The following KRT71 variants were observed in gnomAD, a reference collection of about 807,000 sequenced individuals.
The protein encoded by KRT71 is keratin, type II cytoskeletal 71.
A neutral mutation model predicts 46.2 loss-of-function variants in KRT71; 42 were observed. The observed-to-expected ratio is 0.91, with a 90% CI of 0.71 to 1.18. The LOEUF (loss-of-function observed/expected upper bound fraction) is 1.18, where lower values mean the gene tolerates loss of function less well. KRT71 is among the 50% of genes most tolerant of loss of function. The pLI, the probability that KRT71 is intolerant of heterozygous loss-of-function variation, is 0.00. For missense variants in KRT71, 708 were observed against 677.9 expected (o/e 1.04, Z -0.49); for synonymous variants, 292 against 277.8 (o/e 1.05, Z -0.51).
At chr12:52,545,702 C>A in intron 7 of KRT71, 103 bp from the exon 8 acceptor site, 1 of 699,836 alleles carries the variant, frequency 1.4e-6, no homozygotes, top group South Asian at 2.0e-5. Context: ...TTGGACCCAA[C>A]AGGCACCTGT....
intron 6 of KRT71, 144 bp from the exon 7 acceptor site, chr12:52,546,650 T>C: frequency 8.8e-6 from 7 of 794,316 alleles, no homozygotes; most frequent in Non-Finnish European, 1.4e-5. Flanking sequence ...GCAGAGCCCC[T>C]TCTGGGGCTG....
rs758261242 is a variant in KRT71 at position 52,546,518 on chromosome 12, A to G, written c.1105-12T>C. 6 of 1,611,558 alleles carry G rather than the reference A, an allele frequency of 3.7e-6. No individual in the cohort carries two copies. Among genetic ancestry groups the G allele is most frequent in the Non-Finnish European group, 5.1e-6 (6 of 1,178,664 alleles). The stretch of plus-strand genomic sequence containing the variant: ...TCCAGGTTGGAAGCCTAAGGAAGGA[A>G]TTGGTGAAGTCGAAAAATTTGGAGG... On this transcript the variant is annotated splice_polypyrimidine_tract_variant and intron_variant, in intron 6 of 8. Coordinates refer to ENST00000267119, the MANE Select transcript of KRT71 (RefSeq NM_033448.3).
Position 52,544,663 on chromosome 12 carries a change from T to A in KRT71, c.1441A>T (p.Ser481Cys). The change falls in exon 9 of 9, where the codon AGC (serine) becomes TGC (cysteine). Residue 481 changes from serine (S) to cysteine (C), a missense_variant. Ser to Cys is a moderately radical substitution (Grantham distance 112). Coordinates refer to ENST00000267119, the MANE Select transcript of KRT71 (RefSeq NM_033448.3). Reference sequence around the variant, plus strand: ...CTGCACACTCCAGAGATGCAGTTGCTGCTGTTGGCCACATAGCCACCGCTG... The same window carrying A: ...CTGCACACTCCAGAGATGCAGTTGCAGCTGTTGGCCACATAGCCACCGCTG... ...MVSGGYVANS[S>C]NCISGVCSVR... 1 of 1,614,020 alleles carries A rather than the reference T, an allele frequency of 6.2e-7. No individual in the cohort carries two copies. The highest frequency in any genetic ancestry group is 2.2e-5 in the East Asian group (1 of 44,872).
intron 2 of KRT71, among the ~76,000 whole-genome samples, chr12:52,549,586 G>C (rs748332025): frequency 2.6e-5 from 4 of 152,172 alleles, no homozygotes; most frequent in African/African-American, 4.8e-5. Flanking sequence ...GGAGCACATG[G>C]AGCGAATGCC....
At chr12:52,548,030 G>GTATCTTGGGATCAGAA (rs1345846934) in intron 5 of KRT71, 48 bp from the exon 6 acceptor site, 1 of 1,610,020 alleles carries the variant, frequency 6.2e-7, no homozygotes. Context: ...GGGAGTGCAT[G>GTATCTTGGGATCAGAA]TATCTTGGGA....
At chr12:52,546,257 G>T in intron 7 of KRT71, 29 bp downstream of exon 7, 1 of 1,612,140 alleles carries the variant, frequency 6.2e-7, no homozygotes, top group East Asian at 2.2e-5. Context: ...AACCCCTGGG[G>T]CCCTCCTGTC....
chr12:52,547,032 A>G (rs1005562744), intron 6 of KRT71, among the ~76,000 whole-genome samples: 1 of 152,204 alleles, frequency 6.6e-6, no homozygotes, highest in Non-Finnish European at 1.5e-5. Flanking sequence ...AGTCCTTGCA[A>G]CACCCTGTGA....
chr12:52,546,282 C>A lies in KRT71; in HGVS notation c.1325+4G>T. ...GCCCTCCTGTCTGGGCACGCCCCGC[C>A]CACCTGCACTCCTCGCTCTCCAGTA... On this transcript the variant is annotated splice_donor_region_variant and intron_variant, in intron 7 of 8. Transcript: ENST00000267119. The A allele has an allele frequency of 6.2e-7, 1 of 1,613,930 alleles. No individual in the cohort carries two copies. The highest frequency in any genetic ancestry group is 8.5e-7 in the Non-Finnish European group (1 of 1,179,870).
chr12:52,547,992 C>G lies in KRT71; in HGVS notation c.979-10G>C, dbSNP rs1205859589. 2 of 1,585,170 alleles carry G rather than the reference C, an allele frequency of 1.3e-6. No individual in the cohort carries two copies. The highest frequency in any genetic ancestry group is 1.7e-6 in the Non-Finnish European group (2 of 1,161,694). ...GCTGAAGCTCTTGGAACTGGGGACC[C>G]CAAAGCACAGAGTCATGAGTGTGTC... On this transcript the variant is annotated splice_polypyrimidine_tract_variant and intron_variant, in intron 5 of 8. Transcript: ENST00000267119.
rs1466712531 is a variant in KRT71 at position 52,552,854 on chromosome 12, C to T, written c.224G>A (p.Arg75Gln). 12 of 1,614,084 alleles carry T rather than the reference C, an allele frequency of 7.4e-6. No homozygotes were observed. Among genetic ancestry groups the T allele is most frequent in the South Asian group, 2.2e-5 (2 of 91,088 alleles). ...KSGGYGFGRG[R>Q]ASGFAGSMFG... is the part of the protein sequence containing the mutation. ...CATGCTTCCAGCAAAGCCACTGGCCCGGCCCCGGCCAAATCCATAGCCTCC... is the reference window on the plus strand; with the variant it reads ...CATGCTTCCAGCAAAGCCACTGGCCTGGCCCCGGCCAAATCCATAGCCTCC... The change falls in exon 1 of 9, where the codon CGG becomes CAG. Residue 75 changes from arginine (R) to glutamine (Q), a missense_variant. Coordinates refer to ENST00000267119, the MANE Select transcript of KRT71 (RefSeq NM_033448.3).
At chr12:52,548,460 G>A (rs577303525) in intron 4 of KRT71, 144 bp from the exon 5 acceptor site, 33 of 984,800 alleles carry the variant, frequency 3.4e-5, no homozygotes, top group East Asian at 2.6e-4. Context: ...TGTGCTTTGC[G>A]GCAAAGCAAG....
chr12:52,550,007 CA>C (rs1254288509), intron 2 of KRT71, 21 bp downstream of exon 2: 1 of 1,613,594 alleles, frequency 6.2e-7, no homozygotes, highest in Non-Finnish European at 8.5e-7. Context: ...TGTCCAGTTA[CA>C]GGGGGACTCC....
intron 6 of KRT71, among the ~76,000 whole-genome samples, chr12:52,547,516 TCCCTGC>T: frequency 6.6e-6 from 1 of 152,310 alleles, no homozygotes; most frequent in South Asian, 2.1e-4. Flanking sequence ...AGCAGCCAGC[TCCCTGC>T]CCCCTTTCAG....
Position 52,552,889 on chromosome 12 carries a change from G to A in KRT71, c.189C>T (p.Ser63=), listed in dbSNP as rs750271411. The A allele has an allele frequency of 9.3e-6, 15 of 1,614,016 alleles. No homozygotes were observed. Among genetic ancestry groups the A allele is most frequent in the Middle Eastern group, 1.6e-4 (1 of 6,084 alleles). ...CAAATCCATAGCCTCCACTCTTCCC[G>A]CTGCCACTGGCCACATTGAGGCTCC... ...GVRSLNVASG[S]GKSGGYGFGR... The change falls in exon 1 of 9, where the codon AGC becomes AGT. Residue 63 remains serine (S), a synonymous_variant. Coordinates refer to ENST00000267119, the MANE Select transcript of KRT71 (RefSeq NM_033448.3).
At chr12:52,546,920 G>A (rs1238945866) in intron 6 of KRT71, among the ~76,000 whole-genome samples, 1 of 152,204 alleles carries the variant, frequency 6.6e-6, no homozygotes, top group Non-Finnish European at 1.5e-5. Context: ...AGGGGGACAG[G>A]GAAGGACACA....
Position 52,548,137 on chromosome 12 carries a change from C to T in KRT71, c.978+15G>A, listed in dbSNP as rs1400252982. 6.2e-7 allele frequency: 1 copy of T among 1,611,250 alleles called. No individual in the cohort carries two copies. The highest frequency in any genetic ancestry group is 1.3e-5 in the African/African-American group (1 of 74,906). The stretch of plus-strand genomic sequence containing the variant: ...CTGGCATCACCCTCCCTGGCCCCAC[C>T]TCAGCCCAGCTCACCTTGGTCTGGT... On this transcript the variant is annotated intron_variant, in intron 5 of 8. Coordinates refer to ENST00000267119, the MANE Select transcript of KRT71 (RefSeq NM_033448.3).
intron 8 of KRT71, 54 bp from the exon 9 acceptor site, chr12:52,544,797 C>T: frequency 2.0e-6 from 3 of 1,480,336 alleles, no homozygotes; most frequent in Non-Finnish European, 2.8e-6. Context: ...GGGGAGGCCT[C>T]CTTTTCCCCA....
intron 2 of KRT71, 30 bp from the exon 3 acceptor site, chr12:52,549,383 A>G: frequency 6.3e-7 from 1 of 1,584,062 alleles, no homozygotes; most frequent in East Asian, 2.2e-5. Context: ...TCATTGGTTA[A>G]TATCTCACTG....
intron 8 of KRT71, among the ~76,000 whole-genome samples, 168 bp downstream of exon 8, chr12:52,545,397 T>G (rs1190249487): frequency 6.6e-6 from 1 of 152,068 alleles, no homozygotes; most frequent in African/African-American, 2.4e-5. Context: ...GGCCTGGGAG[T>G]CAGGAAAGCC....
Sources: allele counts gnomAD v4.1 joint callset (sites outside exome capture counted in the v4.1 genomes callset), GRCh38; gene constraint gnomAD v4.1.1; transcripts MANE v1.5; gene names NCBI Gene and HGNC (gene_info 2026-07-23, HGNC 2026-07-21).